RELL1: variants seen among roughly 807,000 people sequenced by gnomAD.
RELL1 encodes the protein RELT-like protein 1.
RELL1 carries 10 observed loss-of-function variants against 23.0 expected under a neutral mutation model. The ratio of observed to expected loss-of-function variants is 0.43; its 90% confidence interval spans 0.27 to 0.74. RELL1 has a LOEUF of 0.74. RELL1 is among the 30% of genes least tolerant of loss of function. The pLI is 0.19. For synonymous variants in RELL1, 146 were observed against 146.8 expected (o/e 0.99, Z 0.04); for missense variants, 315 against 364.4 (o/e 0.86, Z 1.10).
chr4:37,603,809 T>TG (rs1553871415), intron 6 of RELL1, among the ~76,000 whole-genome samples: 7 of 151,972 alleles, frequency 4.6e-5, no homozygotes, highest in Non-Finnish European at 8.8e-5. Context: ...GTTGCTTTTT[T>TG]TTGTTGTTGT....
intron 1 of RELL1, among the ~76,000 whole-genome samples, chr4:37,677,735 C>G (rs1185248595): frequency 1.3e-5 from 2 of 152,292 alleles, no homozygotes; most frequent in East Asian, 3.9e-4. Context: ...CTATGAGAGC[C>G]CAAGGCAGGT....
intron 6 of RELL1, among the ~76,000 whole-genome samples, chr4:37,620,309 T>C (rs1719723460): frequency 6.6e-6 from 1 of 152,236 alleles, no homozygotes; most frequent in Admixed American, 6.5e-5. Context: ...AAGGTTGTTC[T>C]TTACTGGGTT....
rs978165271 is a variant in RELL1, at chr4:37,612,636, C to CAAAAAAAAAAA, written c.*699_*709dup. Among the ~76,000 whole-genome samples the CAAAAAAAAAAA allele has an allele frequency of 6.7e-5, 4 of 60,142 alleles. No individual in the cohort carries two copies. The highest frequency in any genetic ancestry group is 2.2e-4 in the African/African-American group (4 of 17,960). The allele number at this position is 60,142 out of a possible 152,430, so 39.5% of individuals were successfully genotyped here. A position where few individuals can be genotyped will look rare whatever the true frequency, so the allele number is the denominator to read the frequency against. On this transcript the variant is annotated 3_prime_UTR_variant, in exon 7 of 7. Transcript: ENST00000454158. The stretch of plus-strand genomic sequence containing the variant: ...TAGGGGACACAGCGAGACTCTGCCT[C>CAAAAAAAAAAA]AAAAAAAAAAAAAAAAAAACCTTCT...
Position 37,596,737 on chromosome 4 carries a change from T to TATATATATATATATATA in RELL1, c.*4-5521_*4-5520insTATATATATATATATAT, listed in dbSNP as rs58665893. Among the ~76,000 whole-genome samples, 91 of 14,342 alleles carry TATATATATATATATATA rather than the reference T, an allele frequency of 6.3e-3. 2 individuals carry two copies. The highest frequency in any genetic ancestry group is 0.033 in the Middle Eastern group (1 of 30). The allele number at this position is 14,342 out of a possible 152,430, so 9.4% of individuals were successfully genotyped here. Reference sequence around the variant, plus strand: ...ATATATATATATATATATATATATATTTTTTTTTTTTTTTTTTTTTTTTTT... The same window carrying TATATATATATATATATA: ...ATATATATATATATATATATATATATATATATATATATATATATTTTTTTTTTTTTTTTTTTTTTTTT... On this transcript the variant is annotated intron_variant, in intron 6 of 6. Transcript: ENST00000314117.
intron 1 of RELL1, among the ~76,000 whole-genome samples, chr4:37,664,095 C>A (rs116404026): frequency 6.6e-6 from 1 of 152,018 alleles, no homozygotes; most frequent in Non-Finnish European, 1.5e-5. Flanking sequence ...AACAAAAGAT[C>A]GACCGGGCGC....
chr4:37,589,136 G>T (rs1718468414), downstream of RELL1, among the ~76,000 whole-genome samples: 1 of 152,110 alleles, frequency 6.6e-6, no homozygotes, highest in Non-Finnish European at 1.5e-5. Context: ...ATTTTCTGAG[G>T]CTGAATTTGG....
chr4:37,650,842 T>G (rs1199871743), intron 1 of RELL1, among the ~76,000 whole-genome samples: 1 of 149,552 alleles, frequency 6.7e-6, no homozygotes, highest in Non-Finnish European at 1.5e-5. Flanking sequence ...GCGAATCACT[T>G]GAGGTCAGGA....
At chr4:37,597,389 C>T (rs1013918141) in intron 6 of RELL1, among the ~76,000 whole-genome samples, 3 of 152,146 alleles carry the variant, frequency 2.0e-5, no homozygotes, top group Non-Finnish European at 4.4e-5. Context: ...CAGAATCTGG[C>T]TACTTTGAAA....
chr4:37,656,050 C>A (rs1377083617), intron 1 of RELL1, among the ~76,000 whole-genome samples: 2 of 152,236 alleles, frequency 1.3e-5, no homozygotes, highest in Non-Finnish European at 2.9e-5. Flanking sequence ...GAGATACCTG[C>A]ACTCCCATGT....
chr4:37,636,428 T>A (rs1720331373), intron 4 of RELL1, among the ~76,000 whole-genome samples: 1 of 151,870 alleles, frequency 6.6e-6, no homozygotes, highest in South Asian at 2.1e-4. Flanking sequence ...ACCCCATCTC[T>A]ACTAAAAATA....
In RELL1 at chr4:37,686,372, C is replaced by A. The variant is rs895344681; in HGVS notation, c.-85G>T. ...GCCGCTCCGGAGCCGGCGGGCTGAT[C>A]GAGTGGCTGGGCTGGGCCCCAGGGA... is the stretch of plus-strand genomic sequence containing the variant. On this transcript the variant is annotated 5_prime_UTR_variant, in exon 1 of 7. Coordinates refer to ENST00000454158, the MANE Select transcript of RELL1 (RefSeq NM_001085400.2). 7 of 1,112,856 alleles carry A rather than the reference C, an allele frequency of 6.3e-6. No individual in the cohort carries two copies. In the African/African-American group the frequency reaches 8.3e-5, roughly 13 times the overall value. 68.9% of individuals were successfully genotyped at this position (1,112,856 alleles called of 1,614,324 possible). A position where few individuals can be genotyped will look rare whatever the true frequency, so the allele number is the denominator to read the frequency against.
intron 1 of RELL1, among the ~76,000 whole-genome samples, chr4:37,653,993 T>A (rs993230300): frequency 2.0e-5 from 3 of 152,172 alleles, no homozygotes; most frequent in African/African-American, 7.2e-5. Context: ...AAGAAATGAT[T>A]GTTGTTTTCA....
intron 6 of RELL1, among the ~76,000 whole-genome samples, chr4:37,599,160 T>C (rs1421421441): frequency 3.3e-5 from 5 of 152,142 alleles, no homozygotes; most frequent in African/African-American, 1.2e-4. Context: ...CTAAGGAAGA[T>C]TGTAATAAAG....
rs1338365199 is a variant in RELL1 at position 37,631,412 on chromosome 4, C to G, written c.792G>C (p.Lys264Asn). The change falls in exon 6 of 7, where the codon AAG becomes AAC. Residue 264 changes from lysine (K) to asparagine (N), a missense_variant. By Grantham distance (94) the Lys-to-Asn change is moderately conservative (BLOSUM62 0). Coordinates refer to ENST00000454158, the MANE Select transcript of RELL1 (RefSeq NM_001085400.2). ...VNGEVPATPV[K>N]RERSGTE ...GCTACTCTGTGCCACTGCGTTCTCT[C>G]TTCACAGGTGTTGCCGGCACCTCCC... 1 of 1,614,036 alleles carries G rather than the reference C, an allele frequency of 6.2e-7. No homozygotes were observed. Among genetic ancestry groups the G allele is most frequent in the African/African-American group, 1.3e-5 (1 of 74,930 alleles).
chr4:37,684,033 G>A (rs1228083435), intron 1 of RELL1, among the ~76,000 whole-genome samples: 1 of 151,012 alleles, frequency 6.6e-6, no homozygotes. Context: ...GTGAGATCGC[G>A]CCACTGCACT....
At chr4:37,656,692 G>A (rs948059387) in intron 1 of RELL1, among the ~76,000 whole-genome samples, 14 of 152,224 alleles carry the variant, frequency 9.2e-5, no homozygotes, top group Non-Finnish European at 1.9e-4. Context: ...TGTTCTCACA[G>A]AAGTGAGTTA....
downstream of RELL1, among the ~76,000 whole-genome samples, chr4:37,605,862 GAA>G (rs1332469704): frequency 7.3e-6 from 1 of 136,684 alleles, no homozygotes; most frequent in Non-Finnish European, 1.6e-5. Context: ...GAAAAGAAAA[GAA>G]AGAGAAAGGA....
downstream of RELL1, among the ~76,000 whole-genome samples, chr4:37,606,567 C>T (rs141989139): frequency 1.8e-4 from 27 of 152,346 alleles, no homozygotes; most frequent in Non-Finnish European, 3.8e-4. This position sits in a 1 kb window ranked among gnomAD's most constrained non-coding sequence, Gnocchi z 4.1. Context: ...AGAGGACTCC[C>T]TCACACAGGA....
At chr4:37,664,395 TG>T (rs2109301182) in intron 1 of RELL1, among the ~76,000 whole-genome samples, 1 of 151,726 alleles carries the variant, frequency 6.6e-6, no homozygotes, top group South Asian at 2.1e-4. Context: ...AAATCACTCA[TG>T]TATAACTACT....
Sources: allele counts gnomAD v4.1 joint callset (sites outside exome capture counted in the v4.1 genomes callset), GRCh38; gene constraint gnomAD v4.1.1; non-coding constraint Gnocchi (gnomAD v3.1); transcripts MANE v1.5; gene names NCBI Gene and HGNC (gene_info 2026-07-23, HGNC 2026-07-21).